Variants in FBXO36 observed in about 807,000 individuals in gnomAD.
The protein encoded by FBXO36 is F-box protein 36, also known as F-box only protein 36.
In FBXO36, 18 loss-of-function variants were observed where a neutral mutation model predicts 17.0. The ratio of observed to expected loss-of-function variants is 1.06; its 90% CI spans 0.73 to 1.57. FBXO36 has a LOEUF of 1.57. Among genes scored for constraint, FBXO36 ranks in the 40% most tolerant of loss-of-function variants. The probability of loss-of-function intolerance (pLI) is 0.00; values close to 1 mark genes in which losing one functional copy is unlikely to be tolerated. For missense variants in FBXO36, 229 were observed against 221.9 expected, an observed-to-expected ratio of 1.03 and a Z score of -0.20; for synonymous variants, 83 against 85.3, an observed-to-expected ratio of 0.97 and a Z score of 0.15.
chr2:229,956,483 T>A (rs561703652), intron 1 of FBXO36, among the ~76,000 whole-genome samples: 1 of 152,184 alleles, frequency 6.6e-6, no homozygotes, highest in South Asian at 2.1e-4. Context: ...TATGCTCTCA[T>A]CACAGGGTAG....
chr2:230,010,000 G>A (rs1051120655), intron 3 of FBXO36, among the ~76,000 whole-genome samples: 4 of 151,978 alleles, frequency 2.6e-5, no homozygotes, highest in Admixed American at 6.6e-5. Context: ...AGTGGCTCAC[G>A]CCTGTAATCC....
chr2:229,941,737 C>T (rs1261715919), intron 1 of FBXO36, among the ~76,000 whole-genome samples: 1 of 152,160 alleles, frequency 6.6e-6, no homozygotes, highest in Non-Finnish European at 1.5e-5. Flanking sequence ...AATTTTCAGG[C>T]CTGGCGCGGT....
At chr2:229,983,162 G>A (rs1253689355) in intron 2 of FBXO36, among the ~76,000 whole-genome samples, 1 of 151,870 alleles carries the variant, frequency 6.6e-6, no homozygotes, top group Non-Finnish European at 1.5e-5. Flanking sequence ...GATCACCTGT[G>A]GCCGGGAGTT....
chr2:229,949,564 C>CACACACAG (rs758878808), intron 1 of FBXO36, among the ~76,000 whole-genome samples: 6 of 151,148 alleles, frequency 4.0e-5, no homozygotes, highest in Non-Finnish European at 8.9e-5. Context: ...CACACACACA[C>CACACACAG]AGATTAATCT....
At chr2:229,949,585 A>G (rs1354723865) in intron 1 of FBXO36, among the ~76,000 whole-genome samples, 23 of 151,964 alleles carry the variant, frequency 1.5e-4, no homozygotes, top group Admixed American at 1.5e-3. Context: ...GTGTAAGTAT[A>G]TAGATGCTGA....
chr2:229,951,506 A>G (rs2077057755), intron 1 of FBXO36, among the ~76,000 whole-genome samples: 1 of 152,000 alleles, frequency 6.6e-6, no homozygotes, highest in Non-Finnish European at 1.5e-5. Flanking sequence ...GACCTCCCAA[A>G]GAGCTGGGAT....
intron 2 of FBXO36, among the ~76,000 whole-genome samples, chr2:229,981,269 A>T (rs1212591153): frequency 6.6e-6 from 1 of 152,184 alleles, no homozygotes; most frequent in Non-Finnish European, 1.5e-5. Flanking sequence ...TGAGAGGATC[A>T]CTAGAGGCCA....
chr2:229,935,339 C>G (rs1214387886), intron 1 of FBXO36, among the ~76,000 whole-genome samples: 1 of 152,078 alleles, frequency 6.6e-6, no homozygotes, highest in Non-Finnish European at 1.5e-5. Context: ...AAAAACACAC[C>G]ACCGTGTGAT....
At chr2:229,940,924 A>T (rs181507484) in intron 1 of FBXO36, among the ~76,000 whole-genome samples, 1 of 152,164 alleles carries the variant, frequency 6.6e-6, no homozygotes, top group Non-Finnish European at 1.5e-5. Flanking sequence ...TGGCCCACCT[A>T]CTTGATTCGC....
chr2:229,955,844 A>G (rs1223986967), intron 1 of FBXO36, among the ~76,000 whole-genome samples: 1 of 152,242 alleles, frequency 6.6e-6, no homozygotes, highest in Non-Finnish European at 1.5e-5. Context: ...CATTCCTATA[A>G]GGTCACATGT....
intron 1 of FBXO36, among the ~76,000 whole-genome samples, chr2:229,928,946 A>G (rs1197252301): frequency 6.8e-6 from 1 of 147,134 alleles, no homozygotes; most frequent in African/African-American, 2.5e-5. Flanking sequence ...TTTAGTGTCT[A>G]GAAACTTCTG....
Position 229,979,205 on chromosome 2 carries a change from A to T in FBXO36, c.205+2856A>T, listed in dbSNP as rs989549546. 2.0e-5 allele frequency among the ~76,000 whole-genome samples: 3 copies of T among 151,618 alleles called. No homozygotes were observed. In the East Asian group the frequency reaches 5.8e-4, roughly 29 times the overall value. ...AAAAAATCCATTATTTAACAATAAT[A>T]GTATGCAATAGGCCAGGTGTGGTGG... On this transcript the variant is annotated intron_variant, in intron 2 of 3. Transcript: ENST00000283946.
intron 1 of FBXO36, among the ~76,000 whole-genome samples, chr2:229,948,782 G>T (rs1381985637): frequency 4.6e-5 from 7 of 152,064 alleles, no homozygotes; most frequent in Non-Finnish European, 8.8e-5. Context: ...AATGGAAAGG[G>T]GCCTGGTTCC....
chr2:229,986,303 C>T (rs186940717), intron 2 of FBXO36, among the ~76,000 whole-genome samples: 1 of 152,150 alleles, frequency 6.6e-6, no homozygotes, highest in Non-Finnish European at 1.5e-5. Context: ...CAGTTCACGA[C>T]CAGTCTGGGC....
intron 3 of FBXO36, among the ~76,000 whole-genome samples, chr2:230,007,286 A>C (rs2077391901): frequency 6.6e-6 from 1 of 152,252 alleles, no homozygotes; most frequent in South Asian, 2.1e-4. Context: ...AGAGATGGTC[A>C]TGACAGGCAT....
At chr2:229,995,600 T>C (rs1336456736) in intron 2 of FBXO36, among the ~76,000 whole-genome samples, 5 of 145,002 alleles carry the variant, frequency 3.4e-5, no homozygotes, top group Admixed American at 2.0e-4. Flanking sequence ...TTCTTTCTTT[T>C]TTTTTTTTTT....
At chr2:229,986,814 T>G (rs1022793327) in intron 2 of FBXO36, among the ~76,000 whole-genome samples, 2 of 151,892 alleles carry the variant, frequency 1.3e-5, no homozygotes, top group African/African-American at 4.8e-5. Flanking sequence ...GGATTATAGG[T>G]GTGAGCCACC....
At chr2:229,972,627 C>T (rs1051919097) in intron 1 of FBXO36, among the ~76,000 whole-genome samples, 1 of 151,822 alleles carries the variant, frequency 6.6e-6, no homozygotes, top group Non-Finnish European at 1.5e-5. Context: ...GATATTCTCT[C>T]ATGTCATCCC....
intron 1 of FBXO36, among the ~76,000 whole-genome samples, chr2:229,939,654 G>T (rs752400590): frequency 2.0e-5 from 3 of 152,068 alleles, no homozygotes; most frequent in Non-Finnish European, 4.4e-5. Context: ...TGGAAAAGTC[G>T]TTTCCACATT....
Sources: allele counts gnomAD v4.1 joint callset (sites outside exome capture counted in the v4.1 genomes callset), GRCh38; gene constraint gnomAD v4.1.1; transcripts MANE v1.5; gene names NCBI Gene and HGNC (gene_info 2026-07-23, HGNC 2026-07-21).